MAPK7: variants seen among roughly 807,000 people sequenced by gnomAD.
The protein encoded by MAPK7 is BMK-1.
MAPK7 carries 30 observed loss-of-function variants against 56.9 expected under a neutral mutation model. The ratio of observed to expected loss-of-function variants is 0.53; its 90% confidence interval spans 0.39 to 0.72. The LOEUF is 0.72. Among genes scored for constraint, MAPK7 ranks in the 30% least tolerant of loss-of-function variants. MAPK7 has a pLI of 0.00. For missense variants in MAPK7, 952 were observed against 1,110.8 expected, an observed-to-expected ratio of 0.86 and a Z score of 2.03; for synonymous variants, 516 against 449.3, an observed-to-expected ratio of 1.15 and a Z score of -1.88.
chr17:19,381,829 C>T lies in MAPK7; in HGVS notation c.1526C>T (p.Thr509Ile). 2 of 1,577,374 alleles carry T rather than the reference C, an allele frequency of 1.3e-6. No homozygotes were observed. Among genetic ancestry groups the T allele is most frequent in the Non-Finnish European group, 1.7e-6 (2 of 1,162,994 alleles). ...LEAPEPRKPV[T>I]AQERQREREE... ...GCTCCTGAGCCTCGGAAGCCGGTGACAGCCCAGGAGCGCCAGCGGGAGCGG... is the reference window on the plus strand; with the variant it reads ...GCTCCTGAGCCTCGGAAGCCGGTGATAGCCCAGGAGCGCCAGCGGGAGCGG... The change falls in exon 5 of 7, where the codon ACA becomes ATA. Residue 509 changes from threonine (T) to isoleucine (I), a missense_variant. Thr to Ile is a moderately conservative substitution (Grantham distance 89). Transcript: ENST00000395604. This position sits in a 1 kb window ranked among gnomAD's most constrained non-coding sequence, Gnocchi z 4.6.
At position 19,381,969 on chromosome 17, in the gene MAPK7, T is replaced by G. The variant is rs1195998458; in HGVS notation, c.1666T>G (p.Leu556Val). ...CTCTGGGGGCCCCTCCACTGACCCC[T>G]TGGCTGGACTAGTGCTCAGTGACAA... ...GASGGPSTDPLAGLVLSDNDR... is the reference protein window; with the variant it reads ...GASGGPSTDPVAGLVLSDNDR... The change falls in exon 5 of 7, where the codon TTG (leucine) becomes GTG (valine). Residue 556 changes from leucine (L) to valine (V), a missense_variant. By Grantham distance (32) the Leu-to-Val change is conservative. This residue lies in a region of MAPK7 where 429 missense variants were observed against 533.0 expected (regional missense o/e 0.80). Coordinates refer to ENST00000395604, the MANE Select transcript of MAPK7 (RefSeq NM_002749.4). The surrounding 1 kb of genome is among the most constrained non-coding windows in gnomAD (Gnocchi z 4.6). The G allele has an allele frequency of 1.3e-6, 2 of 1,551,834 alleles. No individual in the cohort carries two copies. The highest frequency in any genetic ancestry group is 1.7e-6 in the Non-Finnish European group (2 of 1,147,174).
In MAPK7 at chr17:19,383,471, T is replaced by C. The variant is rs566157592; in HGVS notation, c.*240T>C. The C allele has an allele frequency of 1.7e-5, 6 of 354,486 alleles. No individual in the cohort carries two copies. The Admixed American group carries it at 2.3e-4, about 13-fold the overall frequency. The allele number at this position is 354,486 out of a possible 1,614,324, so 22.0% of individuals were successfully genotyped here. On this transcript the variant is annotated 3_prime_UTR_variant, in exon 7 of 7. Transcript: ENST00000395604. ...TTTCAGTATTATATTTTTATTATTA[T>C]TATGTTATTATTACACTGTCTTTTT... is the stretch of plus-strand genomic sequence containing the variant.
chr17:19,380,469 A>G (rs1321607717), intron 3 of MAPK7, 139 bp from the exon 4 acceptor site: 2 of 1,443,468 alleles, frequency 1.4e-6, no homozygotes, highest in African/African-American at 1.4e-5. Flanking sequence ...CTCTTCTTCC[A>G]TACCATGCCG....
chr17:19,383,017 T>C lies in MAPK7; in HGVS notation c.2298-61T>C, dbSNP rs1912856845. ...GTTCCTGGTGCAGGAGACATGCACC[T>C]GTGGGATGGGTGAGGGTCCAGCCTA... On this transcript the variant is annotated intron_variant, in intron 6 of 6. Transcript: ENST00000395604. The C allele has an allele frequency of 1.9e-6, 3 of 1,611,324 alleles. No individual in the cohort carries two copies. The Admixed American group carries it at 5.0e-5, about 27-fold the overall frequency.
Position 19,381,392 on chromosome 17 carries a change from A to T in MAPK7, c.1183A>T (p.Ile395Phe). The T allele has an allele frequency of 6.2e-7, 1 of 1,614,180 alleles. No individual in the cohort carries two copies. Among genetic ancestry groups the T allele is most frequent in the Non-Finnish European group, 8.5e-7 (1 of 1,180,042 alleles). The change falls in exon 4 of 7, where the codon ATC becomes TTC. Residue 395 changes from isoleucine to phenylalanine, a missense_variant. Coordinates refer to ENST00000395604, the MANE Select transcript of MAPK7 (RefSeq NM_002749.4). The surrounding 1 kb of genome is among the most constrained non-coding windows in gnomAD (Gnocchi z 4.6). Reference protein sequence around the residue: ...IEDFHARREGIRQQIRFQPSL... With the variant: ...IEDFHARREGFRQQIRFQPSL... ...GGACTTCCATGCAAGGCGTGAGGGC[A>T]TCCGCCAACAGATCCGCTTCCAGCC...
intron 3 of MAPK7, chr17:19,380,339 C>T: frequency 1.3e-6 from 1 of 744,506 alleles, no homozygotes; most frequent in Non-Finnish European, 2.0e-6. Flanking sequence ...AAAAGGAAAC[C>T]TATTGGCCAG....
Position 19,381,343 on chromosome 17 carries a change from G to A in MAPK7, c.1134G>A (p.Lys378=). The stretch of plus-strand genomic sequence containing the variant: ...AAGCCCTCACTCGGGAGCGCATTAA[G>A]GAGGCCATTGTGGCTGAAATTGAGG... ...DREALTRERI[K]EAIVAEIEDF... Residue 378 remains lysine (K), a synonymous_variant, in exon 4 of 7, where the codon AAG becomes AAA. Coordinates refer to ENST00000395604, the MANE Select transcript of MAPK7 (RefSeq NM_002749.4). This position sits in a 1 kb window ranked among gnomAD's most constrained non-coding sequence, Gnocchi z 4.6. The A allele has an allele frequency of 6.2e-7, 1 of 1,614,172 alleles. No homozygotes were observed. Among genetic ancestry groups the A allele is most frequent in the Non-Finnish European group, 8.5e-7 (1 of 1,180,052 alleles).
Position 19,379,247 on chromosome 17 carries a change from C to CTG in MAPK7, c.232+115_232+116insTG, listed in dbSNP as rs571863801. 5.3e-4 allele frequency: 484 copies of CTG among 908,510 alleles called. 6 individuals carry two copies. In the East Asian group the frequency reaches 0.013, roughly 24 times the overall value. 56.3% of individuals were successfully genotyped at this position (908,510 alleles called of 1,614,324 possible). ...GGGTGCGAGTTCTGGCTCCAGTCAA[C>CTG]ACACACTGACCAGGGCCTTCTGCCT... On this transcript the variant is annotated intron_variant, in intron 2 of 6. Transcript: ENST00000395604.
Position 19,378,782 on chromosome 17 carries a change from C to T in MAPK7, c.-5-114C>T, listed in dbSNP as rs376010943. ...TCTGCCACGAACCAGCCGCGCGCTTCTGCCCTTGTCGGTTTAGGAAACTGG... is the reference window on the plus strand; with the variant it reads ...TCTGCCACGAACCAGCCGCGCGCTTTTGCCCTTGTCGGTTTAGGAAACTGG... On this transcript the variant is annotated intron_variant, in intron 1 of 6. Coordinates refer to ENST00000395604, the MANE Select transcript of MAPK7 (RefSeq NM_002749.4). The surrounding 1 kb of genome is among the most constrained non-coding windows in gnomAD (Gnocchi z 5.4). The T allele has an allele frequency of 7.7e-7, 1 of 1,295,960 alleles. No individual in the cohort carries two copies. The allele number at this position is 1,295,960 out of a possible 1,614,324, so 80.3% of individuals were successfully genotyped here.
chr17:19,383,313 C>T lies in MAPK7; in HGVS notation c.*82C>T, dbSNP rs1912885648. 1 of 1,478,950 alleles carries T rather than the reference C, an allele frequency of 6.8e-7. No individual in the cohort carries two copies. 91.6% of individuals were successfully genotyped at this position (1,478,950 alleles called of 1,614,324 possible). ...CATTCTCAAAGGCTTTAGCCCTGGA[C>T]CCAGCAGGTGAGGCTCGGCTTGGAT... On this transcript the variant is annotated 3_prime_UTR_variant, in exon 7 of 7. Coordinates refer to ENST00000395604, the MANE Select transcript of MAPK7 (RefSeq NM_002749.4).
At position 19,382,476 on chromosome 17, in the gene MAPK7, AG is replaced by A; in HGVS notation, c.2163+12del. On this transcript the variant is annotated intron_variant, in intron 5 of 6. Coordinates refer to ENST00000395604, the MANE Select transcript of MAPK7 (RefSeq NM_002749.4). ...GCTATCTAAGTCACAGGTGAGAGGG[AG>A]GCCCAGGCCATGGGGACACCTGGGT... 6.4e-7 allele frequency: 1 copy of A among 1,569,846 alleles called. No individual in the cohort carries two copies. The highest frequency in any genetic ancestry group is 8.6e-7 in the Non-Finnish European group (1 of 1,157,508).
rs1475836771 is a variant in MAPK7, at chr17:19,381,153, G to C, written c.944G>C (p.Gly315Ala). 6.2e-7 allele frequency: 1 copy of C among 1,614,050 alleles called. No individual in the cohort carries two copies. Among genetic ancestry groups the C allele is most frequent in the African/African-American group, 1.3e-5 (1 of 75,052 alleles). ...QPVPWETVYP[G>A]ADRQALSLLG... is the part of the protein sequence containing the mutation. The stretch of plus-strand genomic sequence containing the variant: ...GTGCCCTGGGAGACAGTGTACCCAG[G>C]TGCCGACCGCCAGGCCCTATCACTG... Residue 315 changes from glycine (G) to alanine (A), a missense_variant, in exon 4 of 7, where the codon GGT (glycine) becomes GCT (alanine). Transcript: ENST00000395604. The surrounding 1 kb of genome is among the most constrained non-coding windows in gnomAD (Gnocchi z 4.6).
intron 2 of MAPK7, chr17:19,379,547 A>G (rs1029722068): frequency 1.4e-5 from 8 of 578,114 alleles, no homozygotes; most frequent in Middle Eastern, 4.5e-4. Context: ...TTACTAAGCC[A>G]TATTTCCTTC....
chr17:19,378,961 G>A lies in MAPK7; in HGVS notation c.61G>A (p.Val21Met). The A allele has an allele frequency of 6.2e-7, 1 of 1,603,592 alleles. No individual in the cohort carries two copies. Among genetic ancestry groups the A allele is most frequent in the East Asian group, 2.3e-5 (1 of 44,434 alleles). The change falls in exon 2 of 7, where the codon GTG (valine) becomes ATG (methionine). Residue 21 changes from valine (V) to methionine (M), a missense_variant. Val to Met is a conservative substitution (Grantham distance 21). This residue lies in a region of MAPK7 where 213 missense variants were observed against 243.2 expected (regional missense o/e 0.88). Transcript: ENST00000395604. This position sits in a 1 kb window ranked among gnomAD's most constrained non-coding sequence, Gnocchi z 5.4. ...EDGSAEPPGP[V>M]KAEPAHTAAS... The stretch of plus-strand genomic sequence containing the variant: ...CGGCTCTGCGGAGCCCCCCGGGCCC[G>A]TGAAGGCCGAACCCGCCCACACCGC...
Position 19,383,066 on chromosome 17 carries a change from C to G in MAPK7, c.2298-12C>G. On this transcript the variant is annotated splice_polypyrimidine_tract_variant and intron_variant, in intron 6 of 6. Coordinates refer to ENST00000395604, the MANE Select transcript of MAPK7 (RefSeq NM_002749.4). ...TAGGCTAATAGCACCCCTCCCTTTCCTTCCCCTGCAGCCAGGCAGATTCAG... is the reference window on the plus strand; with the variant it reads ...TAGGCTAATAGCACCCCTCCCTTTCGTTCCCCTGCAGCCAGGCAGATTCAG... The G allele has an allele frequency of 6.2e-7, 1 of 1,613,930 alleles. No homozygotes were observed. The highest frequency in any genetic ancestry group is 8.5e-7 in the Non-Finnish European group (1 of 1,179,842).
In MAPK7 at chr17:19,381,378, C is replaced by G; in HGVS notation, c.1169C>G (p.Ala390Gly). ...AIVAEIEDFHARREGIRQQIR... is the reference protein window; with the variant it reads ...AIVAEIEDFHGRREGIRQQIR... ...GTGGCTGAAATTGAGGACTTCCATG[C>G]AAGGCGTGAGGGCATCCGCCAACAG... Residue 390 changes from alanine to glycine, a missense_variant, in exon 4 of 7, where the codon GCA becomes GGA. Physicochemically the swap from Ala to Gly is moderately conservative, Grantham distance 60 (BLOSUM62 0). Transcript: ENST00000395604. This position sits in a 1 kb window ranked among gnomAD's most constrained non-coding sequence, Gnocchi z 4.6. The G allele has an allele frequency of 1.2e-6, 2 of 1,614,188 alleles. No homozygotes were observed. Among genetic ancestry groups the G allele is most frequent in the South Asian group, 1.1e-5 (1 of 91,088 alleles).
At chr17:19,378,344 A>AG (rs1912278210), upstream of MAPK7, 1 of 988,660 alleles carries the variant, frequency 1.0e-6, no homozygotes, top group Non-Finnish European at 1.2e-6. This position sits in a 1 kb window ranked among gnomAD's most constrained non-coding sequence, Gnocchi z 5.4. Flanking sequence ...GGCGAGCTGG[A>AG]CAGCGGCGCG....
chr17:19,380,894 G>C lies in MAPK7; in HGVS notation c.685G>C (p.Ala229Pro). Residue 229 changes from alanine (A) to proline (P), a missense_variant, in exon 4 of 7, where the codon GCG becomes CCG. Ala to Pro is a conservative substitution (Grantham distance 27). Transcript: ENST00000395604. ...TEYVATRWYR[A>P]PELMLSLHEY... ...GTATGTGGCCACGCGCTGGTACCGT[G>C]CGCCCGAGCTCATGCTCTCTTTGCA... 1.2e-6 allele frequency: 2 copies of C among 1,614,190 alleles called. No individual in the cohort carries two copies. Among genetic ancestry groups the C allele is most frequent in the Non-Finnish European group, 1.7e-6 (2 of 1,180,032 alleles).
chr17:19,380,614 G>A lies in MAPK7; in HGVS notation c.405G>A (p.Val135=). ...VPYGEFKSVY[V]VLDLMESDLH... is the part of the protein sequence containing the mutation. ...TCCTTCCTTCCCCTTCCAGCTACGTGGTCCTGGACCTGATGGAAAGCGACC... is the reference window on the plus strand; with the variant it reads ...TCCTTCCTTCCCCTTCCAGCTACGTAGTCCTGGACCTGATGGAAAGCGACC... Residue 135 remains valine (V), a synonymous_variant, in exon 4 of 7, where the codon GTG becomes GTA. Coordinates refer to ENST00000395604, the MANE Select transcript of MAPK7 (RefSeq NM_002749.4). 1 of 1,593,092 alleles carries A rather than the reference G, an allele frequency of 6.3e-7. No homozygotes were observed. The highest frequency in any genetic ancestry group is 8.6e-7 in the Non-Finnish European group (1 of 1,164,894).
Sources: gnomAD v4.1 joint callset for allele counts on GRCh38, gnomAD v4.1.1 for gene constraint, gnomAD v4.1.1 regional missense constraint, Gnocchi (gnomAD v3.1) non-coding constraint, MANE v1.5 for transcripts, NCBI Gene and HGNC (gene_info 2026-07-23, HGNC 2026-07-21) for gene names.